RP1: variants seen among roughly 807,000 people sequenced by gnomAD.
The protein encoded by RP1 is oxygen-regulated protein 1.
In RP1, 16 loss-of-function variants were observed where a neutral mutation model predicts 14.8. The observed-to-expected ratio is 1.08, with a 90% CI of 0.73 to 1.65. The LOEUF is 1.65. Among genes scored for constraint, RP1 ranks in the 40% most tolerant of loss-of-function variants. The pLI is 0.00. For synonymous variants in RP1, 876 were observed against 883.6 expected (o/e 0.99, Z 0.15); for missense variants, 2,631 against 2,535.0 (o/e 1.04, Z -0.81).
At chr8:54,622,809 TA>T (rs1301063431) in intron 3 of RP1, among the ~76,000 whole-genome samples, 1 of 152,254 alleles carries the variant, frequency 6.6e-6, no homozygotes, top group African/African-American at 2.4e-5. Flanking sequence ...TCATGCTGGT[TA>T]ATGGTAATGT....
chr8:54,643,034 C>A (rs1474878735), intron 3 of RP1, among the ~76,000 whole-genome samples: 1 of 151,556 alleles, frequency 6.6e-6, no homozygotes, highest in Non-Finnish European at 1.5e-5. Context: ...TATTCCTGTC[C>A]ATTTTTCCAT....
At chr8:54,715,020 C>T (rs1808368620) in intron 15 of RP1, among the ~76,000 whole-genome samples, 1 of 152,232 alleles carries the variant, frequency 6.6e-6, no homozygotes, top group East Asian at 1.9e-4. Flanking sequence ...GTGGGCACCA[C>T]AGTGGGGAGA....
chr8:54,684,228 G>A (rs1042049670), intron 12 of RP1, among the ~76,000 whole-genome samples: 11 of 151,990 alleles, frequency 7.2e-5, no homozygotes, highest in African/African-American at 2.4e-4. Flanking sequence ...TTTTATTGAC[G>A]ATTTTTGCAT....
chr8:54,622,352 G>T, intron 3 of RP1, 64 bp downstream of exon 3: 1 of 1,446,820 alleles, frequency 6.9e-7, no homozygotes, highest in Non-Finnish European at 9.7e-7. Context: ...CCTCAAGGAC[G>T]GCAAAATCCA....
At chr8:54,604,754 G>T (rs529362181) in intron 1 of RP1, among the ~76,000 whole-genome samples, 2 of 152,214 alleles carry the variant, frequency 1.3e-5, no homozygotes, top group South Asian at 4.2e-4. Flanking sequence ...ACTTCTTCCT[G>T]GTTTAGTCTT....
chr8:54,655,785 A>T (rs1200653409), intron 5 of RP1, among the ~76,000 whole-genome samples: 2 of 152,154 alleles, frequency 1.3e-5, no homozygotes, highest in African/African-American at 2.4e-5. Flanking sequence ...CAGGAGGCTG[A>T]GGTGGGAGGA....
At chr8:54,780,769 C>A (rs1810167759) in intron 23 of RP1, 1 of 164,368 alleles carries the variant, frequency 6.1e-6, no homozygotes, top group Non-Finnish European at 1.3e-5. Context: ...GGGACTTGGG[C>A]ATCTATTGGC....
chr8:54,791,834 A>C (rs1287030614), intron 24 of RP1, among the ~76,000 whole-genome samples: 1 of 152,078 alleles, frequency 6.6e-6, no homozygotes, highest in Non-Finnish European at 1.5e-5. Flanking sequence ...AAATTAACCA[A>C]ATGGCAAAGA....
At chr8:54,734,457 T>C in intron 17 of RP1, 4 of 1,304,288 alleles carry the variant, frequency 3.1e-6, no homozygotes, top group South Asian at 2.9e-5. Context: ...CCTGCCCAGT[T>C]TTCATGTCCT....
chr8:54,658,226 G>A (rs760215019), intron 6 of RP1, among the ~76,000 whole-genome samples: 1 of 152,036 alleles, frequency 6.6e-6, no homozygotes, highest in African/African-American at 2.4e-5. Flanking sequence ...AATGTCTATG[G>A]TATACCATGT....
chr8:54,811,341 A>T (rs1211333214), intron 24 of RP1, among the ~76,000 whole-genome samples: 1 of 152,198 alleles, frequency 6.6e-6, no homozygotes, highest in Non-Finnish European at 1.5e-5. Flanking sequence ...CACCTTTAGC[A>T]AATTATCAAC....
intron 6 of RP1, among the ~76,000 whole-genome samples, chr8:54,659,766 G>T (rs567738742): frequency 6.6e-6 from 1 of 152,290 alleles, no homozygotes; most frequent in Non-Finnish European, 1.5e-5. Flanking sequence ...AATTGCTGTT[G>T]AGATTTTGAT....
At chr8:54,695,019 G>A (rs561356302) in intron 12 of RP1, among the ~76,000 whole-genome samples, 53 of 151,970 alleles carry the variant, frequency 3.5e-4, no homozygotes, top group African/African-American at 1.2e-3. Flanking sequence ...GGTATGTTGC[G>A]TCTTTGTTCT....
chr8:54,632,943 G>T (rs544168569), downstream of RP1, among the ~76,000 whole-genome samples: 1 of 152,094 alleles, frequency 6.6e-6, no homozygotes, highest in African/African-American at 2.4e-5. Context: ...AAGATATGTA[G>T]AATTCAGTCT....
At chr8:54,835,374 G>A (rs913123987) in intron 24 of RP1, among the ~76,000 whole-genome samples, 8 of 152,070 alleles carry the variant, frequency 5.3e-5, no homozygotes, top group Non-Finnish European at 8.8e-5. Flanking sequence ...CAATCTATGG[G>A]TAATTTAGTT....
At chr8:54,814,939 G>T (rs992670180) in intron 24 of RP1, among the ~76,000 whole-genome samples, 8 of 152,214 alleles carry the variant, frequency 5.3e-5, no homozygotes, top group African/African-American at 1.9e-4. Flanking sequence ...AACCTAGGAG[G>T]CAGAGGTTGC....
At chr8:54,799,155 T>A (rs1810642740) in intron 24 of RP1, among the ~76,000 whole-genome samples, 1 of 152,046 alleles carries the variant, frequency 6.6e-6, no homozygotes, top group Non-Finnish European at 1.5e-5. Context: ...GTGATGTTAT[T>A]TGCTATTATA....
chr8:54,694,617 G>A (rs1339781581), intron 12 of RP1, among the ~76,000 whole-genome samples: 11 of 152,212 alleles, frequency 7.2e-5, no homozygotes, highest in Middle Eastern at 6.8e-3. Flanking sequence ...AGAGGTGTTT[G>A]TAGTATTCTC....
chr8:54,760,022 G>A (rs2129369650), intron 22 of RP1, among the ~76,000 whole-genome samples: 1 of 152,088 alleles, frequency 6.6e-6, no homozygotes, highest in East Asian at 1.9e-4. Flanking sequence ...CAAGAAAATT[G>A]CAACTTTAAG....
Sources: gnomAD v4.1 joint callset for allele counts (sites outside exome capture counted in the v4.1 genomes callset) on GRCh38, gnomAD v4.1.1 for gene constraint, MANE v1.5 for transcripts, NCBI Gene and HGNC (gene_info 2026-07-23, HGNC 2026-07-21) for gene names.